Variants in GPR149 observed in about 807,000 individuals in gnomAD.
The protein encoded by GPR149 is G protein-coupled receptor 149.
A neutral mutation model predicts 50.2 loss-of-function variants in GPR149; 50 were observed. The observed-to-expected ratio is 1.00, with a 90% CI of 0.79 to 1.26. GPR149 has a LOEUF of 1.26. Among genes scored for constraint, GPR149 ranks in the 50% most tolerant of loss-of-function variants. The probability of loss-of-function intolerance (pLI) is 0.00; values close to 1 mark genes in which losing one functional copy is unlikely to be tolerated. For synonymous variants in GPR149, 405 were observed against 358.2 expected, an observed-to-expected ratio of 1.13 and a Z score of -1.48; for missense variants, 983 against 895.4, an observed-to-expected ratio of 1.10 and a Z score of -1.25.
intron 3 of GPR149, among the ~76,000 whole-genome samples, chr3:154,358,709 A>G (rs1030042034): frequency 1.3e-5 from 2 of 152,178 alleles, no homozygotes; most frequent in Non-Finnish European, 2.9e-5. Context: ...AACTAGAAAG[A>G]AACCTGTAAG....
intron 3 of GPR149, among the ~76,000 whole-genome samples, chr3:154,345,765 G>A (rs1056969926): frequency 9.9e-5 from 15 of 152,176 alleles, no homozygotes; most frequent in African/African-American, 3.4e-4. Context: ...CTAAGAAGGT[G>A]AAGTAGTCTG....
At chr3:154,370,865 C>A (rs1017290632) in intron 3 of GPR149, among the ~76,000 whole-genome samples, 2 of 152,176 alleles carry the variant, frequency 1.3e-5, no homozygotes, top group Non-Finnish European at 2.9e-5. Context: ...TTTTCACATG[C>A]CTTTCTTGTT....
intron 2 of GPR149, among the ~76,000 whole-genome samples, chr3:154,425,076 C>A (rs373476044): frequency 4.9e-4 from 74 of 151,736 alleles, no homozygotes; most frequent in Middle Eastern, 6.8e-3. Flanking sequence ...ACAACAACAA[C>A]AAAAAAACAC....
chr3:154,398,378 A>G (rs947242661), intron 3 of GPR149, among the ~76,000 whole-genome samples: 2 of 152,194 alleles, frequency 1.3e-5, no homozygotes, highest in African/African-American at 4.8e-5. Context: ...TGAAACAAAA[A>G]AAGTTTCACT....
At chr3:154,393,893 A>T (rs1715227184) in intron 3 of GPR149, among the ~76,000 whole-genome samples, 2 of 152,002 alleles carry the variant, frequency 1.3e-5, no homozygotes, top group African/African-American at 2.4e-5. Context: ...ACTGAACTCT[A>T]TAAACCACTG....
chr3:154,335,685 A>G lies in GPR149; in HGVS notation c.*2014T>C, dbSNP rs968017897. ...TAAAATGAGACGGAAAATGGGTATTATTGTCTTCTATCTATTTCTTAATGC... is the reference window on the plus strand; with the variant it reads ...TAAAATGAGACGGAAAATGGGTATTGTTGTCTTCTATCTATTTCTTAATGC... On this transcript the variant is annotated 3_prime_UTR_variant, in exon 4 of 4. Coordinates refer to ENST00000389740, the MANE Select transcript of GPR149 (RefSeq NM_001038705.3). The G allele has an allele frequency of 7.9e-5, 12 of 152,068 alleles. No individual in the cohort carries two copies. Among genetic ancestry groups the G allele is most frequent in the Admixed American group, 3.9e-4 (6 of 15,256 alleles). 9.4% of individuals were successfully genotyped at this position (152,068 alleles called of 1,614,324 possible).
chr3:154,370,077 A>G (rs1329834795), intron 3 of GPR149, among the ~76,000 whole-genome samples: 4 of 152,214 alleles, frequency 2.6e-5, no homozygotes, highest in African/African-American at 9.6e-5. Context: ...ATTCAATGCT[A>G]TCCACAATTA....
At chr3:154,358,090 T>A (rs1028776780) in intron 3 of GPR149, among the ~76,000 whole-genome samples, 1 of 146,318 alleles carries the variant, frequency 6.8e-6, no homozygotes, top group African/African-American at 2.6e-5. Context: ...AATGGAACAA[T>A]GAGAACACAT....
In GPR149 at chr3:154,338,252, G is replaced by T. The variant is rs538767468; in HGVS notation, c.1643C>A (p.Ala548Asp). 6 of 1,584,678 alleles carry T rather than the reference G, an allele frequency of 3.8e-6. No individual in the cohort carries two copies. The South Asian group carries it at 5.7e-5, about 15-fold the overall frequency. ...TPRQRSGYAL[A>D]IPLCAFQGTV... ...CCCCTGGAATGCACACAAGGGAATG[G>T]CAAGGGCATAACCGGAACGCTGGGG... The change falls in exon 4 of 4, where the codon GCC (alanine) becomes GAC (aspartate). Residue 548 changes from alanine (A) to aspartate (D), a missense_variant. Ala to Asp is a moderately radical substitution (Grantham distance 126). Transcript: ENST00000389740.
At chr3:154,387,986 T>C (rs789300) in intron 3 of GPR149, among the ~76,000 whole-genome samples, 117,449 of 152,062 alleles carry the variant, frequency 0.77, 46,317 homozygotes, top group Middle Eastern at 0.91. Context: ...TGTGGGGACA[T>C]TGATTTTTAT....
intron 2 of GPR149, among the ~76,000 whole-genome samples, chr3:154,426,089 ATG>A (rs1231559916): frequency 6.6e-6 from 1 of 152,080 alleles, no homozygotes; most frequent in African/African-American, 2.4e-5. Flanking sequence ...TGTTTCCTTT[ATG>A]TTATATGTTT....
intron 3 of GPR149, among the ~76,000 whole-genome samples, chr3:154,389,939 T>G (rs1460686648): frequency 6.6e-6 from 1 of 152,200 alleles, no homozygotes; most frequent in Non-Finnish European, 1.5e-5. Context: ...AATTGGACCA[T>G]ACTTCCAAAA....
chr3:154,339,117 A>G (rs915764382), intron 3 of GPR149, among the ~76,000 whole-genome samples: 1 of 152,196 alleles, frequency 6.6e-6, no homozygotes, highest in Admixed American at 6.5e-5. Flanking sequence ...GAAGATGATA[A>G]TGTACCAAAC....
intron 3 of GPR149, among the ~76,000 whole-genome samples, chr3:154,409,441 C>A (rs2108422730): frequency 6.6e-6 from 1 of 151,874 alleles, no homozygotes; most frequent in Non-Finnish European, 1.5e-5. Context: ...AAGGAGGCAC[C>A]AAAGAAAGGT....
chr3:154,386,543 C>T (rs1715048280), intron 3 of GPR149, among the ~76,000 whole-genome samples: 1 of 152,190 alleles, frequency 6.6e-6, no homozygotes, highest in Non-Finnish European at 1.5e-5. Flanking sequence ...AGCTTGTATT[C>T]ATCTCCTTAC....
At chr3:154,378,088 CTT>C (rs35650974) in intron 3 of GPR149, among the ~76,000 whole-genome samples, 12,422 of 56,190 alleles carry the variant, frequency 0.22, 934 homozygotes, top group East Asian at 0.47. Context: ...TCCCCCCCCC[CTT>C]TTTTTTTTTT....
At chr3:154,405,853 C>T (rs1306126171) in intron 3 of GPR149, among the ~76,000 whole-genome samples, 1 of 151,444 alleles carries the variant, frequency 6.6e-6, no homozygotes, top group African/African-American at 2.4e-5. Context: ...TGGGTGAATT[C>T]CATTTTAAAC....
chr3:154,379,339 T>A (rs1714864435), intron 3 of GPR149, among the ~76,000 whole-genome samples: 1 of 152,028 alleles, frequency 6.6e-6, no homozygotes, highest in Admixed American at 6.6e-5. Context: ...ATTCATTTTC[T>A]TAATGATGTC....
intron 2 of GPR149, among the ~76,000 whole-genome samples, chr3:154,422,892 T>C (rs888314129): frequency 5.3e-5 from 8 of 151,816 alleles, no homozygotes; most frequent in Non-Finnish European, 1.0e-4. Context: ...GTTTAAATTA[T>C]TGATGGGTTT....
Sources: gnomAD v4.1 joint callset for allele counts (sites outside exome capture counted in the v4.1 genomes callset) on GRCh38, gnomAD v4.1.1 for gene constraint, MANE v1.5 for transcripts, NCBI Gene and HGNC (gene_info 2026-07-23, HGNC 2026-07-21) for gene names.